The following TMEM132B variants were observed in gnomAD, a reference collection of about 807,000 sequenced individuals.
TMEM132B encodes the protein transmembrane protein 132B.
A neutral mutation model predicts 90.8 loss-of-function variants in TMEM132B; 18 were observed. That is an observed-to-expected ratio of 0.20 (90% CI 0.14 to 0.29). The LOEUF is 0.29. TMEM132B is among the 10% of genes least tolerant of loss of function. TMEM132B has a pLI of 1.00. For missense variants in TMEM132B, 1,096 were observed against 1,326.8 expected, an observed-to-expected ratio of 0.83 and a Z score of 2.70; for synonymous variants, 504 against 523.3, an observed-to-expected ratio of 0.96 and a Z score of 0.50.
At chr12:125,311,495 A>G (rs1428868109) in intron 1 of TMEM132B, among the ~76,000 whole-genome samples, 1 of 152,048 alleles carries the variant, frequency 6.6e-6, no homozygotes, top group Non-Finnish European at 1.5e-5. Flanking sequence ...CATCCTATCA[A>G]TCAGTGAGTC....
rs567910774 is a variant in TMEM132B, at chr12:125,589,355, G to A, written c.1437+5361G>A. On this transcript the variant is annotated intron_variant, in intron 5 of 8. Transcript: ENST00000682704. ...AAATTAGCCGGGCGTAGTGGCGGGGGCCTGTAGTCCCAGCTACTCGGGAGG... is the reference window on the plus strand; with the variant it reads ...AAATTAGCCGGGCGTAGTGGCGGGGACCTGTAGTCCCAGCTACTCGGGAGG... 9.2e-3 allele frequency among the ~76,000 whole-genome samples: 1,391 copies of A among 151,766 alleles called. 25 individuals carry two copies. The highest frequency in any genetic ancestry group is 0.077 in the South Asian group (370 of 4,806).
At chr12:125,453,511 T>C (rs2136454855) in intron 3 of TMEM132B, among the ~76,000 whole-genome samples, 1 of 152,366 alleles carries the variant, frequency 6.6e-6, no homozygotes, top group Admixed American at 6.5e-5. Context: ...CATGATGAAA[T>C]GTAATCATTG....
chr12:125,231,583 A>G (rs1294659767), intron 1 of TMEM132B, among the ~76,000 whole-genome samples: 1 of 152,156 alleles, frequency 6.6e-6, no homozygotes, highest in African/African-American at 2.4e-5. Flanking sequence ...TTTGAAACAT[A>G]TTTTTTAGTG....
In TMEM132B at chr12:125,591,797, C is replaced by T. The variant is rs563958568; in HGVS notation, c.1437+7803C>T. On this transcript the variant is annotated intron_variant, in intron 5 of 8. Transcript: ENST00000682704. The stretch of plus-strand genomic sequence containing the variant: ...CCTCTGTGGTTGCATGGTCTCACCC[C>T]TGTGTCTCTGTATGACCCTCTTTTC... Among the ~76,000 whole-genome samples the T allele has an allele frequency of 2.6e-5, 4 of 152,304 alleles. No homozygotes were observed. The South Asian group carries it at 8.3e-4, about 32-fold the overall frequency.
At position 125,459,985 on chromosome 12, in the gene TMEM132B, C is replaced by A. The variant is rs1428201883; in HGVS notation, c.1106+44308C>A. 2.0e-5 allele frequency among the ~76,000 whole-genome samples: 3 copies of A among 152,202 alleles called. No individual in the cohort carries two copies. The highest frequency in any genetic ancestry group is 7.2e-5 in the African/African-American group (3 of 41,454). ...TTCACCTTCCACCATGATTGTGAGG[C>A]CTCCCCAGCCATGTGGGAGTGTGAG... On this transcript the variant is annotated intron_variant, in intron 3 of 8. Coordinates refer to ENST00000682704, the MANE Select transcript of TMEM132B (RefSeq NM_001366854.1). The surrounding 1 kb of genome is among the most constrained non-coding windows in gnomAD (Gnocchi z 4.1).
chr12:125,495,352 CT>C lies in TMEM132B; in HGVS notation c.1107-24086del, dbSNP rs377466299. 7.4e-3 allele frequency among the ~76,000 whole-genome samples: 1,118 copies of C among 150,438 alleles called. 29 individuals are homozygous for C. Among genetic ancestry groups the C allele is most frequent in the African/African-American group, 0.026 (1,059 of 40,100 alleles). ...GGAAATGGCTGTGTCCCTCCTCCCC[CT>C]CTTCCCTGGAAATGGCCGTGTCCCT... On this transcript the variant is annotated intron_variant, in intron 3 of 8. Coordinates refer to ENST00000682704, the MANE Select transcript of TMEM132B (RefSeq NM_001366854.1).
intron 5 of TMEM132B, among the ~76,000 whole-genome samples, chr12:125,593,037 C>T (rs191982497): frequency 2.6e-5 from 4 of 152,288 alleles, no homozygotes; most frequent in East Asian, 1.9e-4. Flanking sequence ...CCTTTAGCAA[C>T]GCTTGACAAA....
intron 1 of TMEM132B, among the ~76,000 whole-genome samples, chr12:125,310,906 AT>A (rs1364728092): frequency 1.3e-5 from 2 of 152,210 alleles, no homozygotes; most frequent in Non-Finnish European, 2.9e-5. Context: ...TAGAAATCAA[AT>A]ACGATGTCAC....
At chr12:125,358,088 GT>G (rs907362622) in intron 2 of TMEM132B, among the ~76,000 whole-genome samples, 2 of 150,426 alleles carry the variant, frequency 1.3e-5, no homozygotes, top group Admixed American at 6.6e-5. Context: ...TAATTTCCTT[GT>G]TTTTTTTTGA....
Position 125,350,298 on chromosome 12 carries a change from T to C in TMEM132B, c.914T>C (p.Leu305Ser), listed in dbSNP as rs200555225. ...CGGGAAGGGGACACGGCCACCTTTTTGGTCTCTCTGACCAGTAGCTCTGTG... is the reference window on the plus strand; with the variant it reads ...CGGGAAGGGGACACGGCCACCTTTTCGGTCTCTCTGACCAGTAGCTCTGTG... ...LVREGDTATF[L>S]VSLTSSSVAD... is the part of the protein sequence containing the mutation. Residue 305 changes from leucine (L) to serine (S), a missense_variant, in exon 2 of 9, where the codon TTG becomes TCG. Physicochemically the swap from Leu to Ser is moderately radical, Grantham distance 145. Coordinates refer to ENST00000682704, the MANE Select transcript of TMEM132B (RefSeq NM_001366854.1). The C allele has an allele frequency of 9.2e-4, 1,477 of 1,613,786 alleles. 8 individuals are homozygous for C. Among genetic ancestry groups the C allele is most frequent in the South Asian group, 3.4e-3 (309 of 91,084 alleles).
chr12:125,289,532 C>G (rs1189089666), intron 1 of TMEM132B, among the ~76,000 whole-genome samples: 1 of 152,176 alleles, frequency 6.6e-6, no homozygotes, highest in African/African-American at 2.4e-5. Flanking sequence ...TTCTACCCAC[C>G]CCTGTATTTG....
At chr12:125,263,666 G>C (rs915974387) in intron 1 of TMEM132B, among the ~76,000 whole-genome samples, 2 of 152,112 alleles carry the variant, frequency 1.3e-5, no homozygotes, top group African/African-American at 2.4e-5. Context: ...TTTTGAGGTT[G>C]GTGTGTATCT....
intron 5 of TMEM132B, among the ~76,000 whole-genome samples, chr12:125,611,855 A>T (rs1024347759): frequency 6.6e-6 from 1 of 152,152 alleles, no homozygotes; most frequent in Non-Finnish European, 1.5e-5. Flanking sequence ...TTTTCCTTGT[A>T]CACTTAAGGA....
At chr12:125,616,648 A>T (rs2136959133) in intron 5 of TMEM132B, among the ~76,000 whole-genome samples, 1 of 152,322 alleles carries the variant, frequency 6.6e-6, no homozygotes, top group African/African-American at 2.4e-5. Flanking sequence ...GTCTAAAAAT[A>T]TATCGAAATA....
intron 3 of TMEM132B, among the ~76,000 whole-genome samples, chr12:125,515,372 TCA>T (rs1367643402): frequency 3.6e-5 from 5 of 137,846 alleles, no homozygotes; most frequent in South Asian, 2.5e-4. Flanking sequence ...ACACATTCAC[TCA>T]CACCTCTTTC....
chr12:125,634,300 G>A (rs1010507085), intron 5 of TMEM132B, among the ~76,000 whole-genome samples: 5 of 152,122 alleles, frequency 3.3e-5, no homozygotes, highest in South Asian at 2.1e-4. Context: ...AAGGCTACCC[G>A]GCCTGAGACT....
rs975766993 is a variant in TMEM132B at position 125,251,631 on chromosome 12, G to T, written c.67+64765G>T. Among the ~76,000 whole-genome samples the T allele has an allele frequency of 3.9e-5, 6 of 152,118 alleles. No homozygotes were observed. The highest frequency in any genetic ancestry group is 1.5e-5 in the Non-Finnish European group (1 of 68,030). On this transcript the variant is annotated intron_variant, in intron 1 of 8. Coordinates refer to ENST00000682704, the MANE Select transcript of TMEM132B (RefSeq NM_001366854.1). This position sits in a 1 kb window ranked among gnomAD's most constrained non-coding sequence, Gnocchi z 4.4. ...AACGAGGCAACTGATACCCAGGCTC[G>T]GGGCTGCTGAGACAATAGGGAACGG...
chr12:125,311,439 G>T (rs1876120980), intron 1 of TMEM132B, among the ~76,000 whole-genome samples: 1 of 152,100 alleles, frequency 6.6e-6, no homozygotes, highest in Non-Finnish European at 1.5e-5. Context: ...TGCTCAGGTT[G>T]AAAACTCTGG....
intron 4 of TMEM132B, among the ~76,000 whole-genome samples, chr12:125,541,783 G>A (rs1227368340): frequency 2.0e-5 from 3 of 151,562 alleles, no homozygotes; most frequent in Admixed American, 2.0e-4. Context: ...ACTTTGGGAG[G>A]CCGAGGCTGA....
Sources: gnomAD v4.1 joint callset for allele counts (sites outside exome capture counted in the v4.1 genomes callset) on GRCh38, gnomAD v4.1.1 for gene constraint, Gnocchi (gnomAD v3.1) non-coding constraint, MANE v1.5 for transcripts, NCBI Gene and HGNC (gene_info 2026-07-23, HGNC 2026-07-21) for gene names.